GLT1D1: variants seen among roughly 807,000 people sequenced by gnomAD.
GLT1D1 encodes the protein glycosyltransferase 1 domain containing 1, also known as glycosyltransferase 1 domain-containing protein 1.
In GLT1D1, 21 loss-of-function variants were observed where a neutral mutation model predicts 28.7. That is an observed-to-expected ratio of 0.73 (90% CI 0.52 to 1.05). The LOEUF is 1.05. Among genes scored for constraint, GLT1D1 ranks in the 50% least tolerant of loss-of-function variants. The pLI, the probability that GLT1D1 is intolerant of heterozygous loss-of-function variation, is 0.00. For missense variants in GLT1D1, 343 were observed against 330.6 expected, an observed-to-expected ratio of 1.04 and a Z score of -0.29; for synonymous variants, 147 against 124.8, an observed-to-expected ratio of 1.18 and a Z score of -1.19.
intron 3 of GLT1D1, among the ~76,000 whole-genome samples, chr12:128,897,490 A>G (rs1193624913): frequency 6.6e-6 from 1 of 152,072 alleles, no homozygotes; most frequent in Admixed American, 6.6e-5. Flanking sequence ...TTATGCTCAG[A>G]AAACCTTTCC....
intron 2 of GLT1D1, among the ~76,000 whole-genome samples, chr12:128,883,806 T>G (rs1300965945): frequency 6.6e-6 from 1 of 152,110 alleles, no homozygotes; most frequent in Admixed American, 6.6e-5. Context: ...TTTGAGGACC[T>G]AACTTTGAGT....
In GLT1D1 at chr12:128,976,748, G is replaced by A. The variant is rs192587836; in HGVS notation, c.640-6181G>A. On this transcript the variant is annotated intron_variant, in intron 7 of 7. Transcript: ENST00000281703. Reference sequence around the variant, plus strand: ...CAGCCCCAGCATGCATCCTGCTCAAGGCTTTTGCTTCTCGTGGAGGAGTTT... The same window carrying A: ...CAGCCCCAGCATGCATCCTGCTCAAAGCTTTTGCTTCTCGTGGAGGAGTTT... Among the ~76,000 whole-genome samples, 386 of 152,306 alleles carry A rather than the reference G, an allele frequency of 2.5e-3. 1 individual carries two copies. The highest frequency in any genetic ancestry group is 9.0e-3 in the African/African-American group (374 of 41,560).
At chr12:128,915,932 A>C (rs1469958745) in intron 4 of GLT1D1, among the ~76,000 whole-genome samples, 1 of 152,212 alleles carries the variant, frequency 6.6e-6, no homozygotes, top group Non-Finnish European at 1.5e-5. Context: ...ATGTTTGACA[A>C]ATGTATATAC....
chr12:128,875,054 T>TTGTG (rs376956933), intron 1 of GLT1D1, among the ~76,000 whole-genome samples: 3,201 of 143,844 alleles, frequency 0.022, 59 homozygotes, highest in African/African-American at 0.051. Context: ...GACATAAATA[T>TTGTG]TGTGTGTGTG....
chr12:128,924,248 G>A (rs542180600), intron 4 of GLT1D1, among the ~76,000 whole-genome samples: 1 of 151,920 alleles, frequency 6.6e-6, no homozygotes, highest in South Asian at 2.1e-4. Flanking sequence ...CCAACATGGC[G>A]AAACCCCATC....
intron 7 of GLT1D1, among the ~76,000 whole-genome samples, chr12:128,968,492 T>G (rs563918710): frequency 6.8e-6 from 1 of 146,988 alleles, no homozygotes; most frequent in Non-Finnish European, 1.5e-5. Context: ...CCAAACCCCA[T>G]CTCTACTAAA....
intron 4 of GLT1D1, among the ~76,000 whole-genome samples, chr12:128,928,020 A>AAAAC (rs1321576447): frequency 1.3e-5 from 2 of 150,428 alleles, no homozygotes; most frequent in Non-Finnish European, 3.0e-5. Flanking sequence ...AAAAAAAAAA[A>AAAAC]AAAAACAAAA....
chr12:128,935,427 G>C lies in GLT1D1; in HGVS notation c.376-9899G>C, dbSNP rs111796852. On this transcript the variant is annotated intron_variant, in intron 4 of 7. Transcript: ENST00000281703. ...GTGGTGGCACATGCCTGTAATCCCA[G>C]CTACTCAGGAGGCTGAGGCAAGGAA... is the stretch of plus-strand genomic sequence containing the variant. 4.7e-3 allele frequency among the ~76,000 whole-genome samples: 714 copies of C among 151,838 alleles called. 9 individuals are homozygous for C. Among genetic ancestry groups the C allele is most frequent in the African/African-American group, 0.016 (669 of 41,392 alleles).
chr12:128,982,545 T>C (rs967332068), intron 7 of GLT1D1, among the ~76,000 whole-genome samples: 2 of 152,172 alleles, frequency 1.3e-5, no homozygotes, highest in Non-Finnish European at 1.5e-5. Context: ...ATTTCACATC[T>C]GAGGCTCCAC....
chr12:128,875,713 G>T (rs1396712736), intron 1 of GLT1D1, among the ~76,000 whole-genome samples: 1 of 151,912 alleles, frequency 6.6e-6, no homozygotes, highest in Non-Finnish European at 1.5e-5. Flanking sequence ...CAGGAGAATC[G>T]CTTGGAGACC....
At chr12:128,927,351 G>C (rs1369556183) in intron 4 of GLT1D1, among the ~76,000 whole-genome samples, 197 bp downstream of exon 8, 1 of 152,086 alleles carries the variant, frequency 6.6e-6, no homozygotes, top group East Asian at 1.9e-4. Context: ...CAATTCTCCT[G>C]CCTCAGCCTC....
chr12:128,910,623 G>A (rs1255965302), intron 4 of GLT1D1, among the ~76,000 whole-genome samples: 3 of 150,826 alleles, frequency 2.0e-5, no homozygotes, highest in Admixed American at 2.0e-4. Context: ...TTATAATTCA[G>A]CATAAGGAGT....
At chr12:128,928,395 C>T (rs925272315) in intron 4 of GLT1D1, among the ~76,000 whole-genome samples, 1 of 152,162 alleles carries the variant, frequency 6.6e-6, no homozygotes, top group African/African-American at 2.4e-5. Flanking sequence ...GGGATATTCA[C>T]TCGTCCCTCA....
chr12:128,903,399 G>A (rs1361230939), intron 4 of GLT1D1, among the ~76,000 whole-genome samples: 2 of 151,598 alleles, frequency 1.3e-5, no homozygotes, highest in African/African-American at 4.9e-5. Flanking sequence ...CCTTCCCATT[G>A]ACCAAAGCAA....
intron 3 of GLT1D1, among the ~76,000 whole-genome samples, chr12:128,897,187 T>C (rs946184904): frequency 2.6e-5 from 4 of 152,210 alleles, no homozygotes; most frequent in Admixed American, 2.0e-4. Flanking sequence ...TATGGTCCCT[T>C]ATATTTGCTC....
intron 4 of GLT1D1, among the ~76,000 whole-genome samples, chr12:128,904,623 CTTTTTTTTTT>C (rs59189244): frequency 7.9e-5 from 11 of 139,282 alleles, no homozygotes; most frequent in African/African-American, 2.1e-4. Flanking sequence ...TGAAAACAGT[CTTTTTTTTTT>C]TTTTTTTTTT....
intron 7 of GLT1D1, among the ~76,000 whole-genome samples, chr12:128,973,783 C>T (rs377512574): frequency 3.9e-5 from 6 of 152,096 alleles, no homozygotes; most frequent in African/African-American, 9.7e-5. Flanking sequence ...TAGTGTTCTA[C>T]TCGGCCCATC....
intron 6 of GLT1D1, among the ~76,000 whole-genome samples, chr12:128,948,690 C>T (rs1274224138): frequency 6.6e-6 from 1 of 150,780 alleles, no homozygotes; most frequent in Non-Finnish European, 1.5e-5. Flanking sequence ...CATGTATCCC[C>T]TTGGATACCA....
At chr12:128,899,834 G>A (rs948214382) in intron 4 of GLT1D1, among the ~76,000 whole-genome samples, 2 of 152,138 alleles carry the variant, frequency 1.3e-5, no homozygotes, top group African/African-American at 4.8e-5. Context: ...TTACAGGCAT[G>A]AGCCACCGAA....
Sources: gnomAD v4.1 joint callset for allele counts (sites outside exome capture counted in the v4.1 genomes callset) on GRCh38, gnomAD v4.1.1 for gene constraint, MANE v1.5 for transcripts, NCBI Gene and HGNC (gene_info 2026-07-23, HGNC 2026-07-21) for gene names.